The following CYSLTR1 variants were observed in gnomAD, a reference collection of about 807,000 sequenced individuals.
CYSLTR1 encodes the protein cysteinyl leukotriene receptor 1.
A neutral mutation model predicts 2.1 loss-of-function variants in CYSLTR1; 1 was observed. That is an observed-to-expected ratio of 0.48 (90% CI 0.17 to 2.28). CYSLTR1 has a LOEUF of 2.28. Ranked by LOEUF, CYSLTR1 falls within the 30% of genes most tolerant of loss-of-function variation. The pLI is 0.26. For synonymous variants in CYSLTR1, 110 were observed against 89.6 expected, an observed-to-expected ratio of 1.23 and a Z score of -1.28; for missense variants, 299 against 250.1, an observed-to-expected ratio of 1.20 and a Z score of -1.32.
intron 1 of CYSLTR1, among the ~76,000 whole-genome samples, chrX:78,306,549 G>A (rs781353657): frequency 1.9e-4 from 21 of 111,458 alleles, no homozygotes; most frequent in African/African-American, 6.8e-4. Flanking sequence ...TCTTTTTATA[G>A]TAAATGACTT....
chrX:78,278,934 C>T (rs946806708), intron 2 of CYSLTR1, among the ~76,000 whole-genome samples: 3 of 112,334 alleles, frequency 2.7e-5, no homozygotes, highest in Non-Finnish European at 5.6e-5. Flanking sequence ...TGGACCCCAT[C>T]CTTTCACCAT....
intron 1 of CYSLTR1, among the ~76,000 whole-genome samples, chrX:78,294,607 A>C (rs1337678976): frequency 8.9e-6 from 1 of 112,886 alleles, no homozygotes; most frequent in Admixed American, 9.3e-5. Context: ...TAGAGGCAGT[A>C]GGCCTTGCTG....
intron 1 of CYSLTR1, among the ~76,000 whole-genome samples, chrX:78,296,272 C>A (rs1471282712): frequency 9.0e-6 from 1 of 111,463 alleles, no homozygotes; most frequent in Non-Finnish European, 1.9e-5. Flanking sequence ...TGTTTTTATG[C>A]CAGTTCCATG....
intron 1 of CYSLTR1, among the ~76,000 whole-genome samples, chrX:78,293,401 G>A (rs898242096): frequency 4.5e-5 from 5 of 111,490 alleles, no homozygotes; most frequent in African/African-American, 1.6e-4. Context: ...CTCTCTGGCT[G>A]CCCTTTACAT....
chrX:78,283,178 A>G (rs1320333699), intron 2 of CYSLTR1, among the ~76,000 whole-genome samples: 1 of 111,653 alleles, frequency 9.0e-6, no homozygotes, highest in Non-Finnish European at 1.9e-5. Flanking sequence ...ATGAATACAG[A>G]GAGTTTCTTT....
chrX:78,319,182 T>C (rs1386249537), intron 1 of CYSLTR1: 3 of 109,452 alleles, frequency 2.7e-5, no homozygotes, highest in Admixed American at 9.8e-5. Context: ...GTTACATATG[T>C]ATACATGTGC....
At chrX:78,322,303 T>C (rs1296883712) in intron 1 of CYSLTR1, among the ~76,000 whole-genome samples, 2 of 112,325 alleles carry the variant, frequency 1.8e-5, no homozygotes, top group African/African-American at 3.2e-5. Flanking sequence ...TTAATGTTTG[T>C]TGAATCAATA....
chrX:78,296,803 G>A (rs1464063132), intron 1 of CYSLTR1, among the ~76,000 whole-genome samples: 2 of 111,520 alleles, frequency 1.8e-5, no homozygotes, highest in Non-Finnish European at 3.8e-5. Flanking sequence ...GAATCTTTAG[G>A]TTTTTCCAAA....
At chrX:78,312,264 A>G (rs150340014) in intron 1 of CYSLTR1, among the ~76,000 whole-genome samples, 49 of 111,631 alleles carry the variant, frequency 4.4e-4, no homozygotes, top group African/African-American at 1.5e-3. Context: ...TGCTGGGATA[A>G]CTGGCTAGCC....
In CYSLTR1 at chrX:78,273,653, T is replaced by G; in HGVS notation, c.94A>C (p.Met32Leu). The change falls in exon 3 of 3, where the codon ATG (methionine) becomes CTG (leucine). Residue 32 changes from methionine to leucine, a missense_variant. Physicochemically the swap from Met to Leu is conservative, Grantham distance 15 (BLOSUM62 2). Transcript: ENST00000373304. Reference sequence around the variant, plus strand: ...CCAAAGAAGCCTACAACAGAGATCATAGAGTACAAGGTGGAATACACTTGA... The same window carrying G: ...CCAAAGAAGCCTACAACAGAGATCAGAGAGTACAAGGTGGAATACACTTGA... ...RNQVYSTLYSMISVVGFFGNG... is the reference protein window; with the variant it reads ...RNQVYSTLYSLISVVGFFGNG... 4.1e-6 allele frequency: 5 copies of G among 1,211,530 alleles called. No individual in the cohort carries two copies. Among genetic ancestry groups the G allele is most frequent in the South Asian group, 1.8e-5 (1 of 56,981 alleles).
chrX:78,316,243 G>A (rs1923413567), intron 1 of CYSLTR1, among the ~76,000 whole-genome samples: 1 of 112,440 alleles, frequency 8.9e-6, no homozygotes, highest in Non-Finnish European at 1.9e-5. Flanking sequence ...TGTCACAGGG[G>A]CCTTTGGGGA....
intron 1 of CYSLTR1, among the ~76,000 whole-genome samples, chrX:78,304,219 C>G (rs1922939330): frequency 8.9e-6 from 1 of 112,258 alleles, no homozygotes; most frequent in African/African-American, 3.2e-5. Flanking sequence ...TCAAAGCCCA[C>G]AGGTCTTTCT....
intron 1 of CYSLTR1, among the ~76,000 whole-genome samples, chrX:78,322,573 A>T (rs756319443): frequency 2.7e-5 from 3 of 111,701 alleles, no homozygotes; most frequent in East Asian, 5.6e-4. Flanking sequence ...TATGCTAATG[A>T]TCCCAGTGAC....
chrX:78,307,055 G>C (rs954466938), intron 1 of CYSLTR1, among the ~76,000 whole-genome samples: 6 of 111,978 alleles, frequency 5.4e-5, no homozygotes, highest in Non-Finnish European at 1.9e-5. Flanking sequence ...AATAAAAAGA[G>C]AAAAAGAAAG....
intron 1 of CYSLTR1, among the ~76,000 whole-genome samples, chrX:78,308,265 G>A (rs184413964): frequency 6.9e-4 from 77 of 111,600 alleles, no homozygotes; most frequent in African/African-American, 9.1e-4. Flanking sequence ...GTATGTAAAT[G>A]GTACGTGAAA....
Position 78,272,655 on chromosome X carries a change from A to G in CYSLTR1, c.*78T>C, listed in dbSNP as rs1375649742. ...TTGTAAAATATTAAGTAAAATTTTT[A>G]TTTTTTTTGTAAATGATTTGACAAA... On this transcript the variant is annotated 3_prime_UTR_variant, in exon 3 of 3. Transcript: ENST00000373304. 3.0e-6 allele frequency: 3 copies of G among 991,272 alleles called. No homozygotes were observed. Among genetic ancestry groups the G allele is most frequent in the Non-Finnish European group, 4.0e-6 (3 of 757,097 alleles). The allele number at this position is 991,272 out of a possible 1,213,427, so 81.7% of individuals were successfully genotyped here.
intron 1 of CYSLTR1, among the ~76,000 whole-genome samples, chrX:78,292,392 T>C (rs973046690): frequency 3.6e-5 from 4 of 112,252 alleles, no homozygotes; most frequent in African/African-American, 9.7e-5. Context: ...CTTCCAATTA[T>C]GCAGTCAATT....
intron 1 of CYSLTR1, among the ~76,000 whole-genome samples, chrX:78,315,332 G>A (rs1381885538): frequency 9.0e-6 from 1 of 110,840 alleles, no homozygotes; most frequent in Admixed American, 9.6e-5. Flanking sequence ...CATATTCCAA[G>A]CTCTGGTGGC....
chrX:78,309,095 C>T (rs1340935984), intron 1 of CYSLTR1, among the ~76,000 whole-genome samples: 2 of 111,391 alleles, frequency 1.8e-5, no homozygotes, highest in African/African-American at 3.3e-5. Context: ...AAGGTGAATG[C>T]CAAGTAAATT....
Sources: gnomAD v4.1 joint callset for allele counts (sites outside exome capture counted in the v4.1 genomes callset) on GRCh38, gnomAD v4.1.1 for gene constraint, MANE v1.5 for transcripts, NCBI Gene and HGNC (gene_info 2026-07-23, HGNC 2026-07-21) for gene names.